GDAP2: variants seen among roughly 807,000 people sequenced by gnomAD.
GDAP2 encodes the protein ganglioside induced differentiation associated protein 2, also known as ganglioside-induced differentiation-associated protein 2.
GDAP2 carries 51 observed loss-of-function variants against 67.0 expected under a neutral mutation model. That is an observed-to-expected ratio of 0.76 (90% CI 0.61 to 0.96). The LOEUF (loss-of-function observed/expected upper bound fraction) is 0.96. Ranked by LOEUF, GDAP2 falls within the 40% of genes least tolerant of loss-of-function variation. The pLI, the probability that GDAP2 is intolerant of heterozygous loss-of-function variation, is 0.00. For missense variants in GDAP2, 547 were observed against 588.3 expected, an observed-to-expected ratio of 0.93 and a Z score of 0.73; for synonymous variants, 203 against 207.3, an observed-to-expected ratio of 0.98 and a Z score of 0.18.
intron 6 of GDAP2, among the ~76,000 whole-genome samples, chr1:117,904,818 A>T (rs1355743952): frequency 1.3e-5 from 2 of 152,210 alleles, no homozygotes; most frequent in Non-Finnish European, 2.9e-5. Context: ...TTCACTCCTC[A>T]GCTTCAAACT....
intron 5 of GDAP2, among the ~76,000 whole-genome samples, chr1:117,909,965 T>C (rs10442662): frequency 0.34 from 51,910 of 151,934 alleles, 10,601 homozygotes; most frequent in Non-Finnish European, 0.46. Context: ...AATAGATATA[T>C]AAAAGAAGCT....
intron 13 of GDAP2, among the ~76,000 whole-genome samples, chr1:117,875,949 G>A (rs1366409959): frequency 6.6e-6 from 1 of 152,130 alleles, no homozygotes; most frequent in Non-Finnish European, 1.5e-5. Flanking sequence ...CTCCAGATGA[G>A]ACTTTGGATT....
chr1:117,893,394 T>C (rs1421740500), intron 8 of GDAP2, among the ~76,000 whole-genome samples: 1 of 152,172 alleles, frequency 6.6e-6, no homozygotes, highest in Non-Finnish European at 1.5e-5. Context: ...TTTTTCATGT[T>C]AAAAACAATT....
At chr1:117,908,532 A>C (rs1649736597) in intron 5 of GDAP2, among the ~76,000 whole-genome samples, 1 of 152,196 alleles carries the variant, frequency 6.6e-6, no homozygotes, top group African/African-American at 2.4e-5. Context: ...CTTTCAAAAA[A>C]AGATTTTCAG....
At chr1:117,929,156 C>G (rs576079366) in intron 1 of GDAP2, among the ~76,000 whole-genome samples, 1 of 152,184 alleles carries the variant, frequency 6.6e-6, no homozygotes, top group Non-Finnish European at 1.5e-5. Context: ...CCCGCCTGCC[C>G]CATTTCACCT....
intron 12 of GDAP2, 40 bp from the exon 13 acceptor site, chr1:117,878,192 C>T: frequency 8.8e-7 from 1 of 1,136,530 alleles, no homozygotes; most frequent in South Asian, 1.6e-5. Context: ...AGCTAGTTGC[C>T]ATAGTTAGAA....
intron 10 of GDAP2, among the ~76,000 whole-genome samples, chr1:117,884,900 A>C (rs899566303): frequency 1.3e-5 from 2 of 151,568 alleles, no homozygotes; most frequent in African/African-American, 4.9e-5. Context: ...GTGCAATGGC[A>C]TGACCTTGGT....
At position 117,896,922 on chromosome 1, in the gene GDAP2, A is replaced by T. The variant is rs1448633813; in HGVS notation, c.864T>A (p.Ala288=). The T allele has an allele frequency of 6.2e-7, 1 of 1,612,280 alleles. No homozygotes were observed. The change falls in exon 8 of 14, where the codon GCT becomes GCA. Residue 288 remains alanine, a synonymous_variant. Coordinates refer to ENST00000369443, the MANE Select transcript of GDAP2 (RefSeq NM_017686.4). ...DLSFIGSHAF[A]RMEGDIDKQR... ...GCTTGTCAATATCTCCTTCCATTCG[A>T]GCAAAAGCATGAGAGCCAATGAAAG...
At chr1:117,906,676 A>T in intron 5 of GDAP2, 94 bp from the exon 6 acceptor site, 1 of 687,742 alleles carries the variant, frequency 1.5e-6, no homozygotes, top group Non-Finnish European at 2.5e-6. Context: ...TTTGTAATGG[A>T]TCACTTCTCA....
At chr1:117,879,868 C>A (rs773156693) in intron 12 of GDAP2, among the ~76,000 whole-genome samples, 5 of 152,050 alleles carry the variant, frequency 3.3e-5, no homozygotes, top group African/African-American at 9.7e-5. Context: ...AACACGGGAA[C>A]ACTAACACTC....
chr1:117,895,626 AC>A (rs1649236890), intron 8 of GDAP2, among the ~76,000 whole-genome samples: 1 of 152,172 alleles, frequency 6.6e-6, no homozygotes, highest in Admixed American at 6.6e-5. Flanking sequence ...GATGAGTCTT[AC>A]ACATATGGCC....
intron 8 of GDAP2, among the ~76,000 whole-genome samples, chr1:117,895,548 C>A (rs1269527333): frequency 6.6e-6 from 1 of 152,100 alleles, no homozygotes; most frequent in Non-Finnish European, 1.5e-5. Context: ...AGACTCGATA[C>A]TAAAGAAGTC....
chr1:117,867,892 G>A lies in GDAP2; in HGVS notation c.*2677C>T, dbSNP rs1281205319. The A allele has an allele frequency of 1.3e-5, 2 of 152,240 alleles. No individual in the cohort carries two copies. Among genetic ancestry groups the A allele is most frequent in the East Asian group, 1.9e-4 (1 of 5,190 alleles). The allele number at this position is 152,240 out of a possible 1,614,324, so 9.4% of individuals were successfully genotyped here. ...AGATGAATTAAGAACCCAAATACAC[G>A]TGGAAGCAAGAAGTGTACTTGTTTT... is the stretch of plus-strand genomic sequence containing the variant. On this transcript the variant is annotated 3_prime_UTR_variant, in exon 14 of 14. Transcript: ENST00000369443.
intron 10 of GDAP2, among the ~76,000 whole-genome samples, chr1:117,886,209 C>T (rs1289963686): frequency 2.0e-5 from 3 of 152,054 alleles, no homozygotes; most frequent in Non-Finnish European, 4.4e-5. Context: ...AACTACATTT[C>T]TGTTTTTTTC....
At chr1:117,907,160 G>C (rs1649684826) in intron 5 of GDAP2, among the ~76,000 whole-genome samples, 1 of 152,016 alleles carries the variant, frequency 6.6e-6, no homozygotes, top group African/African-American at 2.4e-5. Flanking sequence ...CTAATAACAA[G>C]ACCTACTGGC....
At chr1:117,927,858 T>A (rs1363420261) in intron 1 of GDAP2, among the ~76,000 whole-genome samples, 1 of 152,200 alleles carries the variant, frequency 6.6e-6, no homozygotes, top group Non-Finnish European at 1.5e-5. Context: ...TACCCCTTCA[T>A]ATTAAATGAA....
At chr1:117,899,703 G>A (rs981926708) in intron 6 of GDAP2, among the ~76,000 whole-genome samples, 2 of 151,938 alleles carry the variant, frequency 1.3e-5, no homozygotes, top group African/African-American at 4.8e-5. Context: ...AAACCAAACA[G>A]AATAAAACTC....
intron 3 of GDAP2, among the ~76,000 whole-genome samples, chr1:117,917,001 T>C (rs1650068773): frequency 6.7e-6 from 1 of 149,538 alleles, no homozygotes; most frequent in Non-Finnish European, 1.5e-5. Context: ...ACCACTGCAC[T>C]CTAGCCTGGG....
chr1:117,919,003 C>G (rs1650148296), intron 2 of GDAP2, among the ~76,000 whole-genome samples: 1 of 152,144 alleles, frequency 6.6e-6, no homozygotes, highest in African/African-American at 2.4e-5. Context: ...AGAGTGGAAA[C>G]AATCCAAATA....
Sources: gnomAD v4.1 joint callset for allele counts (sites outside exome capture counted in the v4.1 genomes callset) on GRCh38, gnomAD v4.1.1 for gene constraint, MANE v1.5 for transcripts, NCBI Gene and HGNC (gene_info 2026-07-23, HGNC 2026-07-21) for gene names.